Variants in TNFRSF10B observed in about 807,000 individuals in gnomAD.
The protein encoded by TNFRSF10B is TNF receptor superfamily member 10b.
TNFRSF10B carries 35 observed loss-of-function variants against 41.4 expected under a neutral mutation model. The ratio of observed to expected loss-of-function variants is 0.85; its 90% CI spans 0.65 to 1.12. TNFRSF10B has a LOEUF of 1.12. Among genes scored for constraint, TNFRSF10B ranks in the 50% most tolerant of loss-of-function variants. The probability of loss-of-function intolerance (pLI) is 0.00; values close to 1 mark genes in which losing one functional copy is unlikely to be tolerated. For synonymous variants in TNFRSF10B, 230 were observed against 215.5 expected (o/e 1.07, Z -0.59); for missense variants, 584 against 552.7 (o/e 1.06, Z -0.57).
Position 23,021,339 on chromosome 8 carries a change from TA to T in TNFRSF10B, c.*1331del. 2.2e-6 allele frequency: 1 copy of T among 454,128 alleles called. No homozygotes were observed. The highest frequency in any genetic ancestry group is 1.6e-5 in the South Asian group (1 of 64,466). The allele number at this position is 454,128 out of a possible 1,614,324, so 28.1% of individuals were successfully genotyped here. ...GTCCTCAAGTAGGCAATCTGTACCCTAAAAGGCAGCTCATGGGCTCAGGGTG... is the reference window on the plus strand; with the variant it reads ...GTCCTCAAGTAGGCAATCTGTACCCTAAAGGCAGCTCATGGGCTCAGGGTG... On this transcript the variant is annotated 3_prime_UTR_variant, in exon 9 of 9. Coordinates refer to ENST00000276431, the MANE Select transcript of TNFRSF10B (RefSeq NM_003842.5).
At position 23,056,541 on chromosome 8, in the gene TNFRSF10B, C is replaced by T. The variant is rs12544466; in HGVS notation, c.144+12210G>A. ...TGGGGCATGCCTGTAATCCCAGCTA[C>T]TCAGGAGGCTGAGGCAGGAGGATCC... is the stretch of plus-strand genomic sequence containing the variant. On this transcript the variant is annotated intron_variant, in intron 1 of 8. Coordinates refer to ENST00000276431, the MANE Select transcript of TNFRSF10B (RefSeq NM_003842.5). Among the ~76,000 whole-genome samples the T allele has an allele frequency of 4.3e-3, 649 of 151,946 alleles. 10 individuals are homozygous for T. Among genetic ancestry groups the T allele is most frequent in the Admixed American group, 0.037 (563 of 15,246 alleles).
intron 2 of TNFRSF10B, among the ~76,000 whole-genome samples, chr8:23,040,403 A>G (rs1349033867): frequency 1.2e-5 from 1 of 82,532 alleles, no homozygotes; most frequent in Admixed American, 1.6e-4. Context: ...TATTAAATAT[A>G]TATACAAAAT....
intron 7 of TNFRSF10B, among the ~76,000 whole-genome samples, chr8:23,026,471 A>G (rs942672494): frequency 2.6e-5 from 4 of 152,230 alleles, no homozygotes; most frequent in African/African-American, 4.8e-5. Flanking sequence ...CGAAAATTCA[A>G]TTCTGTTTAG....
intron 7 of TNFRSF10B, 133 bp downstream of exon 7, chr8:23,027,000 C>G: frequency 1.5e-6 from 2 of 1,351,858 alleles, no homozygotes; most frequent in Non-Finnish European, 2.1e-6. Context: ...TGCTCCATCC[C>G]CTGCAGTCCC....
At position 23,055,521 on chromosome 8, in the gene TNFRSF10B, T is replaced by TTA. The variant is rs1554510887; in HGVS notation, c.145-12279_145-12278insTA. ...GTGCTTAAGTTAACTATTAAATGCT[T>TTA]AAAAAAAAAAAAAAAAAAGCCAGTG... On this transcript the variant is annotated intron_variant, in intron 1 of 8. Transcript: ENST00000276431. Among the ~76,000 whole-genome samples the TTA allele has an allele frequency of 2.5e-3, 303 of 120,532 alleles. 4 individuals carry two copies. The highest frequency in any genetic ancestry group is 6.3e-3 in the South Asian group (22 of 3,510). The allele number at this position is 120,532 out of a possible 152,430, so 79.1% of individuals were successfully genotyped here.
intron 2 of TNFRSF10B, among the ~76,000 whole-genome samples, chr8:23,040,257 T>C (rs924918744): frequency 7.2e-6 from 1 of 139,792 alleles, no homozygotes; most frequent in African/African-American, 2.7e-5. Context: ...TTTAAATATA[T>C]ATTTATTAAA....
chr8:23,066,987 CT>C (rs1422670444), intron 1 of TNFRSF10B, among the ~76,000 whole-genome samples: 2 of 149,998 alleles, frequency 1.3e-5, no homozygotes, highest in Non-Finnish European at 1.5e-5. Flanking sequence ...TTCTTTCTTT[CT>C]TTTTTTTGAG....
chr8:23,056,600 A>G (rs13262634), intron 1 of TNFRSF10B, among the ~76,000 whole-genome samples: 36,311 of 151,076 alleles, frequency 0.24, 4,685 homozygotes, highest in Non-Finnish European at 0.27. Context: ...ACAATGAGCC[A>G]AGATTGTGCC....
chr8:23,028,265 T>C (rs1811770519), intron 5 of TNFRSF10B, 66 bp downstream of exon 5: 1 of 1,606,950 alleles, frequency 6.2e-7, no homozygotes, highest in Non-Finnish European at 8.5e-7. Flanking sequence ...TTTCTGTCTG[T>C]GGGAATAGGG....
chr8:23,023,014 G>A (rs1811586083), intron 8 of TNFRSF10B, 30 bp from the exon 9 acceptor site: 4 of 1,604,312 alleles, frequency 2.5e-6, no homozygotes, highest in African/African-American at 1.3e-5. Flanking sequence ...AGACAGCCAG[G>A]TGAGTTGGGA....
At chr8:23,029,750 T>A in intron 3 of TNFRSF10B, 29 bp from the exon 4 acceptor site, 2 of 1,598,682 alleles carry the variant, frequency 1.3e-6, no homozygotes, top group Non-Finnish European at 1.7e-6. Context: ...GTTTTGGGAA[T>A]GTGTTTTCCT....
intron 1 of TNFRSF10B, among the ~76,000 whole-genome samples, chr8:23,065,331 T>C (rs548029338): frequency 6.6e-6 from 1 of 152,346 alleles, no homozygotes; most frequent in South Asian, 2.1e-4. Flanking sequence ...TGTAGAGCTC[T>C]GTAGTCTCTG....
At chr8:23,067,721 CA>C (rs1273242158) in intron 1 of TNFRSF10B, among the ~76,000 whole-genome samples, 1 of 152,170 alleles carries the variant, frequency 6.6e-6, no homozygotes, top group African/African-American at 2.4e-5. Context: ...AGGTGTGTAA[CA>C]ATATCCCATG....
In TNFRSF10B at chr8:23,022,182, C is replaced by A; in HGVS notation, c.*489G>T. ...GGCTGAGGTGGGAGAATCGCTTGAG[C>A]CTGAGAGGTCAAGGCTATAGTGAGC... On this transcript the variant is annotated 3_prime_UTR_variant, in exon 9 of 9. Transcript: ENST00000276431. The A allele has an allele frequency of 2.2e-6, 1 of 450,268 alleles. No homozygotes were observed. The allele number at this position is 450,268 out of a possible 1,614,324, so 27.9% of individuals were successfully genotyped here. A position where few individuals can be genotyped will look rare whatever the true frequency, so the allele number is the denominator to read the frequency against.
At chr8:23,038,192 C>A (rs567877622) in intron 2 of TNFRSF10B, among the ~76,000 whole-genome samples, 12 of 152,190 alleles carry the variant, frequency 7.9e-5, no homozygotes, top group Non-Finnish European at 1.5e-4. Flanking sequence ...TTCCTTAGGG[C>A]ATCTCTTAGT....
At chr8:23,060,752 T>C (rs1563324674) in intron 1 of TNFRSF10B, among the ~76,000 whole-genome samples, 3 of 152,232 alleles carry the variant, frequency 2.0e-5, no homozygotes, top group South Asian at 4.1e-4. Flanking sequence ...ATTAGTCTTA[T>C]AATTCATAAT....
At chr8:23,028,626 G>T (rs1390421910) in intron 4 of TNFRSF10B, 24 bp from the exon 5 acceptor site, 2 of 1,611,914 alleles carry the variant, frequency 1.2e-6, no homozygotes, top group Middle Eastern at 1.7e-4. Flanking sequence ...CAGAGGGAGA[G>T]GGGGGACTCT....
chr8:23,021,645 A>G lies in TNFRSF10B; in HGVS notation c.*1026T>C, dbSNP rs1407969354. The G allele has an allele frequency of 2.2e-6, 1 of 454,146 alleles. No individual in the cohort carries two copies. The highest frequency in any genetic ancestry group is 2.3e-5 in the Admixed American group (1 of 42,584). The allele number at this position is 454,146 out of a possible 1,614,324, so 28.1% of individuals were successfully genotyped here. On this transcript the variant is annotated 3_prime_UTR_variant, in exon 9 of 9. Transcript: ENST00000276431. Reference sequence around the variant, plus strand: ...CTGCCCAGGTAGGGACCAGCCACACACAGGACTTCACGTGGATCCAGTTCT... The same window carrying G: ...CTGCCCAGGTAGGGACCAGCCACACGCAGGACTTCACGTGGATCCAGTTCT...
intron 1 of TNFRSF10B, among the ~76,000 whole-genome samples, chr8:23,067,516 A>G (rs1046220228): frequency 1.3e-5 from 2 of 152,164 alleles, no homozygotes; most frequent in Non-Finnish European, 2.9e-5. Flanking sequence ...AATCTTTAAA[A>G]GCAGCCAGAG....
Sources: allele counts gnomAD v4.1 joint callset (sites outside exome capture counted in the v4.1 genomes callset), GRCh38; gene constraint gnomAD v4.1.1; transcripts MANE v1.5; gene names NCBI Gene and HGNC (gene_info 2026-07-23, HGNC 2026-07-21).